CSTF2: variants seen among roughly 807,000 people sequenced by gnomAD.
CSTF2 encodes CF-1 64 kDa subunit.
A neutral mutation model predicts 45.4 loss-of-function variants in CSTF2; 8 were observed. That is an observed-to-expected ratio of 0.18 (90% CI 0.10 to 0.32). CSTF2 has a LOEUF of 0.32. CSTF2 is among the 10% of genes least tolerant of loss of function. The probability of loss-of-function intolerance (pLI) is 1.00; values close to 1 mark genes in which losing one functional copy is unlikely to be tolerated. For missense variants in CSTF2, 253 were observed against 477.1 expected (o/e 0.53, Z 4.38); for synonymous variants, 155 against 158.9 (o/e 0.98, Z 0.18).
At chrX:100,838,036 C>T (rs942238608) in intron 12 of CSTF2, among the ~76,000 whole-genome samples, 1 of 110,924 alleles carries the variant, frequency 9.0e-6, no homozygotes, top group African/African-American at 3.3e-5. Flanking sequence ...CCTTTTCTCA[C>T]CAGTTTTTTT....
intron 11 of CSTF2, among the ~76,000 whole-genome samples, chrX:100,834,530 A>T (rs2084996334): frequency 8.9e-6 from 1 of 112,259 alleles, no homozygotes; most frequent in Admixed American, 9.4e-5. Flanking sequence ...CCTCTGTAAT[A>T]TGAAATACAA....
rs878914873 is a variant in CSTF2 at position 100,827,893 on chromosome X, C to T, written c.827-147C>T. The stretch of plus-strand genomic sequence containing the variant: ...TAAATATACTAACAAACCCCATCTT[C>T]TCTCTCATTGCATTGTTGAATATCT... On this transcript the variant is annotated intron_variant, in intron 7 of 13. Transcript: ENST00000372972. The T allele has an allele frequency of 7.7e-6, 3 of 391,644 alleles. No individual in the cohort carries two copies. In the Admixed American group the frequency reaches 1.5e-4, roughly 20 times the overall value. The allele number at this position is 391,644 out of a possible 1,213,427, so 32.3% of individuals were successfully genotyped here.
At chrX:100,823,126 C>T (rs1256563585) in intron 3 of CSTF2, among the ~76,000 whole-genome samples, 166 bp from the exon 4 acceptor site, 1 of 113,043 alleles carries the variant, frequency 8.8e-6, no homozygotes, top group Non-Finnish European at 1.9e-5. Context: ...AATACACTCT[C>T]ACTTTCCTCC....
intron 13 of CSTF2, among the ~76,000 whole-genome samples, chrX:100,840,089 T>C (rs1468061929): frequency 8.9e-6 from 1 of 112,022 alleles, no homozygotes; most frequent in Non-Finnish European, 1.9e-5. Flanking sequence ...GACTGCAAAC[T>C]CAGTTTTCAC....
Position 100,831,662 on chromosome X carries a change from C to T in CSTF2, c.1031+6C>T. 1 of 1,208,432 alleles carries T rather than the reference C, an allele frequency of 8.3e-7. No individual in the cohort carries two copies. Among genetic ancestry groups the T allele is most frequent in the Non-Finnish European group, 1.1e-6 (1 of 892,926 alleles). ...ACTGGAGAGGTAGAGCCTAGGTAAG[C>T]ACTAACATAGAAGGAAACAGTTGAA... On this transcript the variant is annotated splice_donor_region_variant and intron_variant, in intron 9 of 13. Coordinates refer to ENST00000372972, the MANE Select transcript of CSTF2 (RefSeq NM_001325.3).
intron 11 of CSTF2, among the ~76,000 whole-genome samples, chrX:100,835,187 T>C (rs1009709844): frequency 2.6e-4 from 28 of 108,772 alleles, no homozygotes; most frequent in African/African-American, 9.1e-4. Context: ...ACCATTTAAG[T>C]CTAGGAACTT....
chrX:100,821,307 G>GT (rs1322383471), intron 1 of CSTF2, among the ~76,000 whole-genome samples: 2 of 112,218 alleles, frequency 1.8e-5, no homozygotes, highest in East Asian at 5.6e-4. Context: ...AATCTAACAC[G>GT]TGTCAGATCA....
Position 100,838,254 on chromosome X carries a change from C to T in CSTF2, c.1627C>T (p.Gln543Ter). 1 of 1,190,218 alleles carries T rather than the reference C, an allele frequency of 8.4e-7. No individual in the cohort carries two copies. The highest frequency in any genetic ancestry group is 1.1e-6 in the Non-Finnish European group (1 of 884,755). The change falls in exon 13 of 14, where the codon CAG becomes TAG. Residue 543 changes from glutamine to a stop codon, truncating the protein, a stop_gained. Coordinates refer to ENST00000372972, the MANE Select transcript of CSTF2 (RefSeq NM_001325.3). LOFTEE classifies it high-confidence loss of function. ...QDHEKAALIM[Q>*]VLQLTADQIA... ...CTCTGCACAGGCTGCTTTGATTATG[C>T]AGGTTCTACAACTGACTGCAGACCA...
At chrX:100,828,848 C>T (rs1248858370) in intron 8 of CSTF2, among the ~76,000 whole-genome samples, 1 of 112,434 alleles carries the variant, frequency 8.9e-6, no homozygotes, top group Non-Finnish European at 1.9e-5. Flanking sequence ...TAGGTGGCAG[C>T]ACCTCAGTTT....
In CSTF2 at chrX:100,838,346, C is replaced by G; in HGVS notation, c.1719C>G (p.Ser573=). 1 of 1,202,300 alleles carries G rather than the reference C, an allele frequency of 8.3e-7. No homozygotes were observed. The highest frequency in any genetic ancestry group is 3.0e-5 in the East Asian group (1 of 33,565). The change falls in exon 13 of 14, where the codon TCC becomes TCG. Residue 573 remains serine, a synonymous_variant. Transcript: ENST00000372972. Reference sequence around the variant, plus strand: ...TTTTAAAGGAACAAATACAGAAATCCACTGGAGCACCTTGATAGGTGAGCA... The same window carrying G: ...TTTTAAAGGAACAAATACAGAAATCGACTGGAGCACCTTGATAGGTGAGCA... ...ILILKEQIQK[S]TGAP is the part of the protein sequence containing the mutation.
At chrX:100,831,146 C>A (rs1042524147) in intron 8 of CSTF2, among the ~76,000 whole-genome samples, 1 of 111,338 alleles carries the variant, frequency 9.0e-6, no homozygotes, top group Non-Finnish European at 1.9e-5. Flanking sequence ...TGTAAGGAGA[C>A]AGCGGGTTCT....
At chrX:100,821,824 T>G (rs2084919595) in intron 2 of CSTF2, among the ~76,000 whole-genome samples, 1 of 112,569 alleles carries the variant, frequency 8.9e-6, no homozygotes, top group Non-Finnish European at 1.9e-5. Context: ...CAGGGCATAG[T>G]GACTCAAGCC....
intron 12 of CSTF2, 76 bp downstream of exon 12, chrX:100,837,525 G>C: frequency 4.5e-6 from 3 of 662,301 alleles, no homozygotes; most frequent in Non-Finnish European, 7.0e-6. Context: ...GTTACCATGT[G>C]ACGATCCTGG....
intron 1 of CSTF2, 104 bp downstream of exon 1, chrX:100,820,578 C>A: frequency 1.2e-6 from 1 of 852,500 alleles, no homozygotes; most frequent in South Asian, 2.1e-5. Flanking sequence ...ACGTGCAGTT[C>A]TCCCTGCTTA....
At chrX:100,827,565 C>T (rs1324264807) in intron 7 of CSTF2, among the ~76,000 whole-genome samples, 3 of 111,966 alleles carry the variant, frequency 2.7e-5, no homozygotes, top group Non-Finnish European at 5.6e-5. Flanking sequence ...CTAAATTGTT[C>T]TGTTCTGTAG....
rs2084928896 is a variant in CSTF2 at position 100,823,316 on chromosome X, T to C, written c.332T>C (p.Ile111Thr). The C allele has an allele frequency of 2.5e-6, 3 of 1,211,640 alleles. No individual in the cohort carries two copies. Among genetic ancestry groups the C allele is most frequent in the Non-Finnish European group, 3.4e-6 (3 of 895,230 alleles). ...GGCCTTGGCACTGGTGCCCCTGTCA[T>C]TGAGTCACCTTATGGAGAGACCATC... ...LKSLGTGAPVIESPYGETISP... is the reference protein window; with the variant it reads ...LKSLGTGAPVTESPYGETISP... The change falls in exon 4 of 14, where the codon ATT (isoleucine) becomes ACT (threonine). Residue 111 changes from isoleucine (I) to threonine (T), a missense_variant. By Grantham distance (89) the Ile-to-Thr change is moderately conservative. Around this residue, in one of 3 missense-constraint regions of CSTF2, gnomAD observed 45 missense variants for 147.5 expected, o/e 0.31. Coordinates refer to ENST00000372972, the MANE Select transcript of CSTF2 (RefSeq NM_001325.3).
At position 100,832,914 on chromosome X, in the gene CSTF2, G is replaced by T; in HGVS notation, c.1207+5G>T. ...GTCCACCCTTGGATGGCAGAGGTAA[G>T]GGGAGATCACATTGCAAATGCCATA... On this transcript the variant is annotated splice_donor_5th_base_variant and intron_variant, in intron 10 of 13. Transcript: ENST00000372972. 1.7e-6 allele frequency: 2 copies of T among 1,186,904 alleles called. No homozygotes were observed. The highest frequency in any genetic ancestry group is 2.3e-6 in the Non-Finnish European group (2 of 881,651).
At chrX:100,835,276 T>A (rs867572329) in intron 11 of CSTF2, among the ~76,000 whole-genome samples, 2 of 88,706 alleles carry the variant, frequency 2.3e-5, no homozygotes. Flanking sequence ...CTCCCATCTT[T>A]AAAAAAAAAA....
At chrX:100,822,841 C>CAAA (rs35086838) in intron 3 of CSTF2, 47 of 58,778 alleles carry the variant, frequency 8.0e-4, no homozygotes, top group East Asian at 1.2e-3. Flanking sequence ...GACTCTGTCT[C>CAAA]AAAAAAAAAA....
Sources: gnomAD v4.1 joint callset for allele counts (sites outside exome capture counted in the v4.1 genomes callset) on GRCh38, gnomAD v4.1.1 for gene constraint, gnomAD v4.1.1 regional missense constraint, MANE v1.5 for transcripts, NCBI Gene and HGNC (gene_info 2026-07-23, HGNC 2026-07-21) for gene names.